The following PDE3A variants were observed in gnomAD, a reference collection of about 807,000 sequenced individuals.
PDE3A encodes cGMP-inhibited 3',5'-cyclic phosphodiesterase 3A.
A neutral mutation model predicts 98.3 loss-of-function variants in PDE3A; 43 were observed. The ratio of observed to expected loss-of-function variants is 0.44; its 90% CI spans 0.34 to 0.56. The LOEUF (loss-of-function observed/expected upper bound fraction) is 0.56, where lower values mean the gene tolerates loss of function less well. Ranked by LOEUF, PDE3A falls within the 20% of genes least tolerant of loss-of-function variation. PDE3A has a pLI of 0.01. For synonymous variants in PDE3A, 663 were observed against 567.9 expected (o/e 1.17, Z -2.38); for missense variants, 1,427 against 1,440.7 (o/e 0.99, Z 0.15).
chr12:20,623,766 T>C (rs1383154340), intron 5 of PDE3A, among the ~76,000 whole-genome samples: 3 of 151,210 alleles, frequency 2.0e-5, no homozygotes, highest in Admixed American at 6.6e-5. Flanking sequence ...AAAGAATATA[T>C]GATGGATGTA....
rs187810700 is a variant in PDE3A at position 20,415,911 on chromosome 12, A to G, written c.960+45667A>G. Among the ~76,000 whole-genome samples, 112 of 152,236 alleles carry G rather than the reference A, an allele frequency of 7.4e-4. 2 individuals are homozygous for G. The highest frequency in any genetic ancestry group is 2.6e-3 in the African/African-American group (108 of 41,550). On this transcript the variant is annotated intron_variant, in intron 1 of 15. Coordinates refer to ENST00000359062, the MANE Select transcript of PDE3A (RefSeq NM_000921.5). ...GGATTCAGTCCAAACTTGGACACAT[A>G]CTAGGTTGTGACTCTGGATGTGATA...
In PDE3A at chr12:20,613,462, C is replaced by T. The variant is rs146626871; in HGVS notation, c.1031C>T (p.Thr344Ile). The T allele has an allele frequency of 1.1e-4, 185 of 1,614,024 alleles. No homozygotes were observed. Among genetic ancestry groups the T allele is most frequent in the Non-Finnish European group, 1.5e-4 (173 of 1,179,970 alleles). ...TCTCAGTCTTCAGGAACCAGTATTA[C>T]TGTGGACATCGCCGTCATGGGCGAG... The part of the protein sequence containing the change: ...RGSQSSGTSI[T>I]VDIAVMGEAH... Residue 344 changes from threonine (T) to isoleucine (I), a missense_variant, in exon 3 of 16, where the codon ACT (threonine) becomes ATT (isoleucine). Physicochemically the swap from Thr to Ile is moderately conservative, Grantham distance 89. Coordinates refer to ENST00000359062, the MANE Select transcript of PDE3A (RefSeq NM_000921.5).
At chr12:20,479,151 G>A (rs536616548) in intron 1 of PDE3A, among the ~76,000 whole-genome samples, 1 of 152,214 alleles carries the variant, frequency 6.6e-6, no homozygotes, top group Non-Finnish European at 1.5e-5. Context: ...TTATGGTATC[G>A]AATACTTCTA....
intron 15 of PDE3A, among the ~76,000 whole-genome samples, chr12:20,671,461 G>C (rs1016223303): frequency 7.3e-6 from 1 of 137,646 alleles, no homozygotes; most frequent in Admixed American, 7.3e-5. Flanking sequence ...TAAAATACTG[G>C]CAAACTGAAT....
In PDE3A at chr12:20,635,017, G is replaced by A. The variant is rs201021900; in HGVS notation, c.1962G>A (p.Ser654=). 147 of 1,613,588 alleles carry A rather than the reference G, an allele frequency of 9.1e-5. No individual in the cohort carries two copies. The highest frequency in any genetic ancestry group is 1.2e-4 in the Non-Finnish European group (138 of 1,179,754). Residue 654 remains serine (S), a synonymous_variant, in exon 8 of 16, where the codon TCG becomes TCA. Transcript: ENST00000359062. ...TGAGAGAGCCTCTGAGGAAAGCATCGGCTTGCAGCACCTATGCTCCTGAGA... is the reference window on the plus strand; with the variant it reads ...TGAGAGAGCCTCTGAGGAAAGCATCAGCTTGCAGCACCTATGCTCCTGAGA... ...ECLREPLRKA[S]ACSTYAPETM... is the part of the protein sequence containing the mutation.
intron 1 of PDE3A, among the ~76,000 whole-genome samples, chr12:20,378,656 C>G (rs755920832): frequency 6.6e-6 from 1 of 151,806 alleles, no homozygotes; most frequent in Non-Finnish European, 1.5e-5. Flanking sequence ...CTGGTAAAAG[C>G]TGACTTAATT....
intron 1 of PDE3A, among the ~76,000 whole-genome samples, chr12:20,402,374 C>G (rs1466436106): frequency 6.6e-6 from 1 of 152,022 alleles, no homozygotes; most frequent in Non-Finnish European, 1.5e-5. Flanking sequence ...GTCTCGAACT[C>G]CTGGCCTCAG....
chr12:20,577,646 C>A (rs1942967692), intron 2 of PDE3A, among the ~76,000 whole-genome samples: 1 of 152,122 alleles, frequency 6.6e-6, no homozygotes, highest in South Asian at 2.1e-4. Flanking sequence ...TTATGTTGAA[C>A]TAGTCAAATA....
intron 5 of PDE3A, 83 bp downstream of exon 5, chr12:20,621,494 G>C: frequency 1.3e-6 from 1 of 743,950 alleles, no homozygotes; most frequent in Non-Finnish European, 2.4e-6. Flanking sequence ...GAAATATTCT[G>C]AGGGTGCCCT....
intron 1 of PDE3A, among the ~76,000 whole-genome samples, chr12:20,539,155 G>T (rs916601001): frequency 1.3e-5 from 2 of 152,086 alleles, no homozygotes; most frequent in Non-Finnish European, 2.9e-5. Context: ...AAACTGTTTG[G>T]AGTTTGGAAT....
intron 1 of PDE3A, among the ~76,000 whole-genome samples, chr12:20,455,168 G>A (rs1189461867): frequency 6.6e-6 from 1 of 152,180 alleles, no homozygotes; most frequent in African/African-American, 2.4e-5. Context: ...ATTAGTGTGA[G>A]ATGGTATCTC....
In PDE3A at chr12:20,654,063, C is replaced by T; in HGVS notation, c.3042C>T (p.Asn1014=). ...CTCACATTGTGGGGCCTCTGTGCAA[C>T]TCCTATGATTCAGCAGGACTAATGC... The part of the protein sequence containing the change: ...FISHIVGPLC[N]SYDSAGLMPG... The change falls in exon 15 of 16, where the codon AAC becomes AAT. Residue 1014 remains asparagine, a synonymous_variant. Coordinates refer to ENST00000359062, the MANE Select transcript of PDE3A (RefSeq NM_000921.5). 6.2e-7 allele frequency: 1 copy of T among 1,614,114 alleles called. No homozygotes were observed. The highest frequency in any genetic ancestry group is 1.1e-5 in the South Asian group (1 of 91,088).
At chr12:20,636,083 T>G (rs1316773376) in intron 8 of PDE3A, among the ~76,000 whole-genome samples, 1 of 152,206 alleles carries the variant, frequency 6.6e-6, no homozygotes, top group East Asian at 1.9e-4. Flanking sequence ...TTAGGGCATC[T>G]GCTGGTTTTC....
chr12:20,581,295 CTT>C (rs1943057110), intron 2 of PDE3A, among the ~76,000 whole-genome samples: 1 of 152,198 alleles, frequency 6.6e-6, no homozygotes, highest in Admixed American at 6.5e-5. Context: ...ACTTTCATGA[CTT>C]TGTGGCAAAA....
At chr12:20,555,112 C>T (rs991667857) in intron 1 of PDE3A, among the ~76,000 whole-genome samples, 19 of 152,030 alleles carry the variant, frequency 1.2e-4, no homozygotes, top group African/African-American at 4.6e-4. Flanking sequence ...CAACCTCTGC[C>T]TCCCAGGTTC....
intron 1 of PDE3A, among the ~76,000 whole-genome samples, chr12:20,477,919 C>T (rs1394664599): frequency 2.0e-5 from 3 of 152,152 alleles, no homozygotes; most frequent in Non-Finnish European, 4.4e-5. Flanking sequence ...TCCTTGTCAC[C>T]AGAGTAAGCC....
chr12:20,650,324 A>G (rs1944887386), intron 13 of PDE3A, 121 bp from the exon 14 acceptor site: 1 of 512,848 alleles, frequency 1.9e-6, no homozygotes, highest in Non-Finnish European at 3.4e-6. Flanking sequence ...GAGGTTCCCA[A>G]TTATTTGGTA....
At position 20,684,239 on chromosome 12, in the gene PDE3A, A is replaced by G. The variant is rs556939260; in HGVS notation, c.*3968A>G. 1 of 152,250 alleles carries G rather than the reference A, an allele frequency of 6.6e-6. No homozygotes were observed. The highest frequency in any genetic ancestry group is 1.9e-4 in the East Asian group (1 of 5,172). The allele number at this position is 152,250 out of a possible 1,614,324, so 9.4% of individuals were successfully genotyped here. A position where few individuals can be genotyped will look rare whatever the true frequency, so the allele number is the denominator to read the frequency against. ...CAGTATCGGGCTCTCCATTGTCCTC[A>G]TCATTTATAGTACTTCTAAAATAAT... On this transcript the variant is annotated 3_prime_UTR_variant, in exon 16 of 16. Coordinates refer to ENST00000359062, the MANE Select transcript of PDE3A (RefSeq NM_000921.5).
chr12:20,579,145 TTA>T (rs140574225), intron 2 of PDE3A, among the ~76,000 whole-genome samples: 5 of 152,324 alleles, frequency 3.3e-5, no homozygotes, highest in Non-Finnish European at 7.3e-5. Flanking sequence ...AAAAGAATTT[TTA>T]GTCTCTTTTC....
Sources: gnomAD v4.1 joint callset for allele counts (sites outside exome capture counted in the v4.1 genomes callset) on GRCh38, gnomAD v4.1.1 for gene constraint, MANE v1.5 for transcripts, NCBI Gene and HGNC (gene_info 2026-07-23, HGNC 2026-07-21) for gene names.